The following EPHA6 variants were observed in gnomAD, a reference collection of about 807,000 sequenced individuals.
The protein encoded by EPHA6 is ephrin type-A receptor 6.
In EPHA6, 50 loss-of-function variants were observed where a neutral mutation model predicts 112.0. The observed-to-expected ratio is 0.45, with a 90% CI of 0.36 to 0.56. EPHA6 has a LOEUF of 0.56. Ranked by LOEUF, EPHA6 falls within the 20% of genes least tolerant of loss-of-function variation. The pLI, the probability that EPHA6 is intolerant of heterozygous loss-of-function variation, is 0.00. For missense variants in EPHA6, 1,280 were observed against 1,417.4 expected (o/e 0.90, Z 1.56); for synonymous variants, 529 against 490.7 (o/e 1.08, Z -1.03).
At chr3:96,980,321 TTTC>T (rs1363360883) in intron 2 of EPHA6, among the ~76,000 whole-genome samples, 2 of 152,194 alleles carry the variant, frequency 1.3e-5, no homozygotes, top group African/African-American at 4.8e-5. Context: ...CCTTTCCCCA[TTTC>T]TTGTTTATGT....
At chr3:97,049,579 A>G (rs1377045431) in intron 3 of EPHA6, among the ~76,000 whole-genome samples, 4 of 152,210 alleles carry the variant, frequency 2.6e-5, no homozygotes, top group African/African-American at 9.6e-5. Context: ...TACACAAATT[A>G]TGTGGAAATG....
chr3:97,691,533 A>G (rs757100300), intron 14 of EPHA6, among the ~76,000 whole-genome samples: 5 of 152,188 alleles, frequency 3.3e-5, no homozygotes, highest in African/African-American at 9.6e-5. Context: ...AAATGATTTC[A>G]TAAGTTGAAC....
chr3:97,607,023 G>A (rs2093684984), intron 12 of EPHA6, among the ~76,000 whole-genome samples: 1 of 150,992 alleles, frequency 6.6e-6, no homozygotes, highest in Admixed American at 6.6e-5. Flanking sequence ...CTGTAATAGA[G>A]TTTTGAGGTT....
intron 3 of EPHA6, among the ~76,000 whole-genome samples, chr3:97,099,988 G>A (rs2047356204): frequency 6.6e-6 from 1 of 151,956 alleles, no homozygotes; most frequent in African/African-American, 2.4e-5. Context: ...TAAAAACAAA[G>A]GAGTGTCTCC....
intron 3 of EPHA6, among the ~76,000 whole-genome samples, chr3:97,182,721 A>C (rs1009910467): frequency 9.2e-5 from 14 of 152,302 alleles, no homozygotes; most frequent in African/African-American, 3.1e-4. Flanking sequence ...CCTTTAAGAC[A>C]GATGATGTTT....
chr3:97,572,808 A>C (rs968624040), intron 11 of EPHA6: 2 of 152,130 alleles, frequency 1.3e-5, no homozygotes, highest in Admixed American at 6.5e-5. Flanking sequence ...TAGTTTTATT[A>C]ATCCTCATAA....
At chr3:97,365,493 G>A (rs778917741) in intron 5 of EPHA6, among the ~76,000 whole-genome samples, 2 of 151,780 alleles carry the variant, frequency 1.3e-5, no homozygotes, top group Non-Finnish European at 2.9e-5. Flanking sequence ...CTGGTTCAGG[G>A]GATTCTCCTA....
At chr3:96,900,760 G>C (rs921720414) in intron 2 of EPHA6, among the ~76,000 whole-genome samples, 1 of 152,246 alleles carries the variant, frequency 6.6e-6, no homozygotes, top group African/African-American at 2.4e-5. Flanking sequence ...ATCTCTGTCA[G>C]TCATGGCCCT....
chr3:97,362,650 A>G (rs1435686996), intron 5 of EPHA6, among the ~76,000 whole-genome samples: 1 of 151,962 alleles, frequency 6.6e-6, no homozygotes, highest in East Asian at 1.9e-4. Flanking sequence ...ACTTTGTTTC[A>G]TGCTATTTTT....
intron 2 of EPHA6, among the ~76,000 whole-genome samples, chr3:96,880,907 C>T (rs988098242): frequency 2.6e-5 from 4 of 151,922 alleles, no homozygotes; most frequent in African/African-American, 9.7e-5. Flanking sequence ...TATATCAGTT[C>T]GTTTATCCAT....
At chr3:96,927,434 C>T (rs1212220432) in intron 2 of EPHA6, among the ~76,000 whole-genome samples, 1 of 152,196 alleles carries the variant, frequency 6.6e-6, no homozygotes, top group Non-Finnish European at 1.5e-5. Flanking sequence ...TTTTTCTTTT[C>T]TATCACATTG....
intron 2 of EPHA6, among the ~76,000 whole-genome samples, chr3:96,963,425 C>G (rs1177460298): frequency 6.6e-6 from 1 of 152,128 alleles, no homozygotes; most frequent in Non-Finnish European, 1.5e-5. Context: ...GTCAAAACCC[C>G]TCTTCTTTTC....
In EPHA6 at chr3:97,756,967, C is replaced by G. The variant is rs145818474; in HGVS notation, c.*8266C>G. ...ATTTTGTGTACAGTGAAAACTTTGA[C>G]AGTTTAATTTTGAATTTTGAAGGAA... On this transcript the variant is annotated 3_prime_UTR_variant, in exon 18 of 18. Coordinates refer to ENST00000389672, the MANE Select transcript of EPHA6 (RefSeq NM_001080448.3). 1.6e-4 allele frequency among the ~76,000 whole-genome samples: 24 copies of G among 151,772 alleles called. No homozygotes were observed. Among genetic ancestry groups the G allele is most frequent in the Admixed American group, 1.2e-3 (19 of 15,258 alleles).
At chr3:97,539,103 CCTTTCTTT>C (rs763185692) in intron 11 of EPHA6, among the ~76,000 whole-genome samples, 20 of 83,872 alleles carry the variant, frequency 2.4e-4, no homozygotes, top group South Asian at 4.0e-4. Context: ...TTCCTTCCTT[CCTTTCTTT>C]CTTTCTTTCT....
At chr3:97,713,767 C>T (rs894852769) in intron 14 of EPHA6, among the ~76,000 whole-genome samples, 1 of 152,170 alleles carries the variant, frequency 6.6e-6, no homozygotes, top group Non-Finnish European at 1.5e-5. Flanking sequence ...ACAGGAAAAG[C>T]AAGCAATCCA....
intron 2 of EPHA6, among the ~76,000 whole-genome samples, chr3:96,935,236 A>G (rs2040519484): frequency 6.6e-6 from 1 of 151,924 alleles, no homozygotes; most frequent in Non-Finnish European, 1.5e-5. Context: ...CTACCTGAGG[A>G]ATAGTTCATA....
intron 2 of EPHA6, among the ~76,000 whole-genome samples, chr3:96,936,881 T>C (rs531414131): frequency 2.6e-5 from 4 of 152,326 alleles, no homozygotes; most frequent in African/African-American, 4.8e-5. Flanking sequence ...GTCCTTGCGA[T>C]AGTTTGCTGA....
intron 1 of EPHA6, among the ~76,000 whole-genome samples, chr3:96,857,042 G>C (rs1372857128): frequency 6.6e-6 from 1 of 152,014 alleles, no homozygotes; most frequent in Non-Finnish European, 1.5e-5. Context: ...AATAGTTTCG[G>C]AACATTATAG....
chr3:97,416,162 G>A lies in EPHA6; in HGVS notation c.1731+10888G>A, dbSNP rs566841067. Among the ~76,000 whole-genome samples, 32 of 151,998 alleles carry A rather than the reference G, an allele frequency of 2.1e-4. No homozygotes were observed. In the South Asian group the frequency reaches 6.4e-3, roughly 31 times the overall value. ...TAGAAAAAAAGTAGAAAGAATAAAA[G>A]GAAAGAAAGAGAAGAAACCAAAATG... On this transcript the variant is annotated intron_variant, in intron 6 of 17. Transcript: ENST00000389672.
Sources: gnomAD v4.1 joint callset for allele counts (sites outside exome capture counted in the v4.1 genomes callset) on GRCh38, gnomAD v4.1.1 for gene constraint, MANE v1.5 for transcripts, NCBI Gene and HGNC (gene_info 2026-07-23, HGNC 2026-07-21) for gene names.